Variants in DPP10 observed in about 807,000 individuals in gnomAD.
DPP10 encodes dipeptidyl peptidase like 10.
Under a neutral mutation model 120.9 loss-of-function variants are expected in DPP10, and 33 were observed. The observed-to-expected ratio is 0.27, with a 90% confidence interval of 0.21 to 0.37. The LOEUF (loss-of-function observed/expected upper bound fraction) is 0.37. DPP10 is among the 10% of genes least tolerant of loss of function. The probability of loss-of-function intolerance (pLI) is 1.00; values close to 1 mark genes in which losing one functional copy is unlikely to be tolerated. For missense variants in DPP10, 816 were observed against 942.8 expected, an observed-to-expected ratio of 0.87 and a Z score of 1.76; for synonymous variants, 337 against 326.1, an observed-to-expected ratio of 1.03 and a Z score of -0.36.
chr2:115,449,337 GA>G (rs1043001190), intron 3 of DPP10, among the ~76,000 whole-genome samples: 1 of 151,892 alleles, frequency 6.6e-6, no homozygotes, highest in Non-Finnish European at 1.5e-5. Context: ...CTTTCCATTA[GA>G]AAAAAATATC....
chr2:115,340,826 T>C (rs1257574922), intron 2 of DPP10, among the ~76,000 whole-genome samples: 1 of 151,916 alleles, frequency 6.6e-6, no homozygotes, highest in African/African-American at 2.4e-5. Flanking sequence ...GCATAATTTC[T>C]CTCACTGAAA....
rs894361971 is a variant in DPP10 at position 114,754,179 on chromosome 2, C to T, written c.60+311341C>T. ...TTCAGGAGGAAAGCCAACTGCTAATCATGGGACAGGGTAAGGATAGTTGAG... is the reference window on the plus strand; with the variant it reads ...TTCAGGAGGAAAGCCAACTGCTAATTATGGGACAGGGTAAGGATAGTTGAG... On this transcript the variant is annotated intron_variant, in intron 1 of 25. Transcript: ENST00000410059. Among the ~76,000 whole-genome samples, 4 of 152,074 alleles carry T rather than the reference C, an allele frequency of 2.6e-5. No individual in the cohort carries two copies. The East Asian group carries it at 7.7e-4, about 29-fold the overall frequency.
Position 115,169,475 on chromosome 2 carries a change from A to G in DPP10, c.61-139764A>G, listed in dbSNP as rs1195675240. ...TATATATATTTATGATCTAAATGCT[A>G]TGGATCTTTTATAGGTAGATTATTA... On this transcript the variant is annotated intron_variant, in intron 1 of 25. Coordinates refer to ENST00000410059, the MANE Select transcript of DPP10 (RefSeq NM_020868.6). Among the ~76,000 whole-genome samples, 3 of 152,268 alleles carry G rather than the reference A, an allele frequency of 2.0e-5. No homozygotes were observed. The South Asian group carries it at 6.2e-4, about 32-fold the overall frequency.
chr2:114,764,391 T>G (rs1159310164), intron 1 of DPP10, among the ~76,000 whole-genome samples: 1 of 151,734 alleles, frequency 6.6e-6, no homozygotes, highest in African/African-American at 2.4e-5. Context: ...GTACTGATAT[T>G]AAGATTTATC....
At chr2:115,279,474 C>G (rs895792879) in intron 1 of DPP10, among the ~76,000 whole-genome samples, 4 of 151,902 alleles carry the variant, frequency 2.6e-5, no homozygotes, top group African/African-American at 9.7e-5. Context: ...CAATAAGAAG[C>G]TGGCTCCAGA....
At chr2:114,980,071 C>A (rs2104847996) in intron 1 of DPP10, among the ~76,000 whole-genome samples, 1 of 152,084 alleles carries the variant, frequency 6.6e-6, no homozygotes, top group Non-Finnish European at 1.5e-5. Flanking sequence ...TTTTATTTCC[C>A]TACCTTCCAT....
At chr2:115,710,479 G>C (rs1370747308) in intron 7 of DPP10, among the ~76,000 whole-genome samples, 1 of 151,994 alleles carries the variant, frequency 6.6e-6, no homozygotes, top group Non-Finnish European at 1.5e-5. Context: ...TGAATTTTTA[G>C]TTACTGATAA....
At chr2:115,822,430 A>C (rs1687906073) in intron 21 of DPP10, among the ~76,000 whole-genome samples, 1 of 151,872 alleles carries the variant, frequency 6.6e-6, no homozygotes, top group Non-Finnish European at 1.5e-5. Flanking sequence ...ACTCATCTAG[A>C]TGTATTACAT....
Position 115,468,722 on chromosome 2 carries a change from G to A in DPP10, c.272-30788G>A, listed in dbSNP as rs1232496477. ...TACTGAAAAAGCTATGACCAAGGAA[G>A]AAGAATTTCAGGATGAATGGCCTAC... On this transcript the variant is annotated intron_variant, in intron 3 of 25. Coordinates refer to ENST00000410059, the MANE Select transcript of DPP10 (RefSeq NM_020868.6). The A allele has an allele frequency of 7.9e-6, 3 of 379,278 alleles. No individual in the cohort carries two copies. In the East Asian group the frequency reaches 2.0e-4, roughly 25 times the overall value. The allele number at this position is 379,278 out of a possible 1,614,324, so 23.5% of individuals were successfully genotyped here. A position where few individuals can be genotyped will look rare whatever the true frequency, so the allele number is the denominator to read the frequency against.
intron 5 of DPP10, among the ~76,000 whole-genome samples, chr2:115,645,476 G>A (rs970536357): frequency 6.6e-6 from 1 of 152,062 alleles, no homozygotes; most frequent in South Asian, 2.1e-4. Context: ...CACCTGCCTA[G>A]AAACTATATC....
chr2:115,407,476 G>A (rs544540901), intron 3 of DPP10, among the ~76,000 whole-genome samples: 24 of 152,138 alleles, frequency 1.6e-4, no homozygotes, highest in African/African-American at 2.2e-4. Context: ...CAATCTAAGC[G>A]TTCCTGGCAA....
chr2:115,418,452 G>A (rs1474066586), intron 3 of DPP10, among the ~76,000 whole-genome samples: 1 of 152,072 alleles, frequency 6.6e-6, no homozygotes, highest in Non-Finnish European at 1.5e-5. Flanking sequence ...TGGCTTAAGG[G>A]TTTGTTAGGA....
intron 3 of DPP10, among the ~76,000 whole-genome samples, chr2:115,389,036 A>G (rs944495184): frequency 3.3e-5 from 5 of 152,106 alleles, no homozygotes; most frequent in South Asian, 2.1e-4. Flanking sequence ...AACTTCTCCA[A>G]CTTTCCTTTA....
At chr2:115,182,715 G>A (rs1411494378) in intron 1 of DPP10, among the ~76,000 whole-genome samples, 2 of 152,146 alleles carry the variant, frequency 1.3e-5, no homozygotes, top group Non-Finnish European at 2.9e-5. Flanking sequence ...AAGTGAAGGT[G>A]ATTTAACTCA....
At chr2:114,744,712 A>G (rs1678402832) in intron 1 of DPP10, among the ~76,000 whole-genome samples, 2 of 152,174 alleles carry the variant, frequency 1.3e-5, no homozygotes, top group Non-Finnish European at 2.9e-5. Context: ...CTGCTTTTGC[A>G]CTATAAGGGC....
intron 3 of DPP10, among the ~76,000 whole-genome samples, chr2:115,459,302 ACGTGCCACCACGCC>A (rs1289736933): frequency 6.6e-6 from 1 of 151,858 alleles, no homozygotes; most frequent in East Asian, 1.9e-4. Flanking sequence ...AATTACAGGC[ACGTGCCACCACGCC>A]CGGCTAATTT....
chr2:114,700,813 ACTTTTTGTTTGC>A (rs1700343457), intron 1 of DPP10, among the ~76,000 whole-genome samples: 1 of 152,062 alleles, frequency 6.6e-6, no homozygotes, highest in African/African-American at 2.4e-5. Context: ...CAACATTGGT[ACTTTTTGTTTGC>A]CTGTCCTACT....
At chr2:115,432,659 TTG>T (rs59844767) in intron 3 of DPP10, among the ~76,000 whole-genome samples, 8,623 of 137,648 alleles carry the variant, frequency 0.063, 315 homozygotes, top group African/African-American at 0.11. Context: ...ATAGGCAATT[TTG>T]TGTGTGTGTG....
intron 1 of DPP10, among the ~76,000 whole-genome samples, chr2:114,479,919 G>A (rs2104669510): frequency 6.6e-6 from 1 of 152,024 alleles, no homozygotes; most frequent in African/African-American, 2.4e-5. Flanking sequence ...CCATCAGAGT[G>A]AACAGGCAAC....
Sources: allele counts gnomAD v4.1 joint callset (sites outside exome capture counted in the v4.1 genomes callset), GRCh38; gene constraint gnomAD v4.1.1; transcripts MANE v1.5; gene names NCBI Gene and HGNC (gene_info 2026-07-23, HGNC 2026-07-21).